Variants in FAM20C observed in about 807,000 individuals in gnomAD.
The protein encoded by FAM20C is extracellular serine/threonine protein kinase FAM20C.
In FAM20C, 40 loss-of-function variants were observed where a neutral mutation model predicts 51.5. The ratio of observed to expected loss-of-function variants is 0.78; its 90% CI spans 0.60 to 1.01. FAM20C has a LOEUF of 1.01. FAM20C is among the 50% of genes least tolerant of loss of function. The pLI, the probability that FAM20C is intolerant of heterozygous loss-of-function variation, is 0.00. For missense variants in FAM20C, 861 were observed against 844.7 expected (o/e 1.02, Z -0.24); for synonymous variants, 406 against 380.6 (o/e 1.07, Z -0.78).
intron 3 of FAM20C, among the ~76,000 whole-genome samples, chr7:232,978 G>C (rs1787744078): frequency 6.6e-6 from 1 of 152,234 alleles, no homozygotes; most frequent in Admixed American, 6.5e-5. Context: ...AGGAAACACG[G>C]ACGTTCGGAA....
At chr7:204,463 C>T (rs1242206543) in intron 2 of FAM20C, among the ~76,000 whole-genome samples, 1 of 152,256 alleles carries the variant, frequency 6.6e-6, no homozygotes, top group Non-Finnish European at 1.5e-5. Flanking sequence ...AACGTGGTTC[C>T]TGACAGGGTA....
intron 3 of FAM20C, among the ~76,000 whole-genome samples, chr7:217,431 T>TCCC (rs1308189226): frequency 8.3e-4 from 11 of 13,292 alleles, no homozygotes; most frequent in Admixed American, 1.4e-3. Context: ...GAGCTGCATT[T>TCCC]GGCTGTTTGT....
rs147037075 is a variant in FAM20C at position 209,541 on chromosome 7, T to C, written c.863+565T>C. Among the ~76,000 whole-genome samples, 21 of 146,576 alleles carry C rather than the reference T, an allele frequency of 1.4e-4. No homozygotes were observed. The East Asian group carries it at 3.4e-3, about 24-fold the overall frequency. ...AGTGGACAGTGTGCCCTGATCTGGA[T>C]AAAATAGAAACTGTGTCAGTCACCA... On this transcript the variant is annotated intron_variant, in intron 3 of 9. Transcript: ENST00000313766.
At chr7:253,120 C>CCA (rs1288003559) in intron 5 of FAM20C, among the ~76,000 whole-genome samples, 2 of 152,202 alleles carry the variant, frequency 1.3e-5, no homozygotes, top group African/African-American at 4.8e-5. Context: ...AGTGCTGCGT[C>CCA]CAGCTTAAAT....
At chr7:237,541 G>A (rs961028344) in intron 3 of FAM20C, among the ~76,000 whole-genome samples, 20 of 152,062 alleles carry the variant, frequency 1.3e-4, no homozygotes, top group Non-Finnish European at 2.8e-4. Flanking sequence ...AAATGATGAC[G>A]GTTACGTTGG....
chr7:192,606 G>A lies in FAM20C; in HGVS notation c.-594G>A, dbSNP rs1374637169. Among the ~76,000 whole-genome samples the A allele has an allele frequency of 6.6e-6, 1 of 150,476 alleles. No individual in the cohort carries two copies. The highest frequency in any genetic ancestry group is 1.5e-5 in the Non-Finnish European group (1 of 67,308). ...GCCAGGCGGGAGCTGCGCTCGGGGCGGCCGCTGCACCTGCCCGGGACCCCG... is the reference window on the plus strand; with the variant it reads ...GCCAGGCGGGAGCTGCGCTCGGGGCAGCCGCTGCACCTGCCCGGGACCCCG... On this transcript the variant is annotated 5_prime_UTR_variant, in exon 1 of 10. Coordinates refer to ENST00000313766, the MANE Select transcript of FAM20C (RefSeq NM_020223.4).
In FAM20C at chr7:195,616, A is replaced by C. The variant is rs1035789154; in HGVS notation, c.668A>C (p.Tyr223Ser). Reference protein sequence around the residue: ...LSPGEAAVDSYPNWLKFHIGI... With the variant: ...LSPGEAAVDSSPNWLKFHIGI... ...CCCGGGGAGGCGGCCGTGGACTCCT[A>C]TCCCAACTGGCTCAAGTTCCACATT... Residue 223 changes from tyrosine (Y) to serine (S), a missense_variant, in exon 2 of 10, where the codon TAT becomes TCT. Tyr to Ser is a moderately radical substitution (Grantham distance 144). This residue lies in a region of FAM20C where 561 missense variants were observed against 499.8 expected (regional missense o/e 1.12). Transcript: ENST00000313766. The C allele has an allele frequency of 2.5e-6, 4 of 1,609,614 alleles. No individual in the cohort carries two copies. The highest frequency in any genetic ancestry group is 2.5e-6 in the Non-Finnish European group (3 of 1,177,976).
At position 197,742 on chromosome 7, in the gene FAM20C, C is replaced by T. The variant is rs550268586; in HGVS notation, c.784+2010C>T. ...AACTGCAGCTCGCCACCTCCCTCAC[C>T]GACCGGTCAGCTTTCCAACACCAAC... On this transcript the variant is annotated intron_variant, in intron 2 of 9. Transcript: ENST00000313766. Among the ~76,000 whole-genome samples, 8 of 152,346 alleles carry T rather than the reference C, an allele frequency of 5.3e-5. No homozygotes were observed. In the East Asian group the frequency reaches 9.7e-4, roughly 18 times the overall value.
chr7:257,732 T>A (rs891293959), intron 8 of FAM20C, among the ~76,000 whole-genome samples: 22 of 139,810 alleles, frequency 1.6e-4, no homozygotes, highest in African/African-American at 5.8e-4. Flanking sequence ...ACAGGCGGGG[T>A]GGACCCACTG....
chr7:243,931 TAA>T, intron 3 of FAM20C, among the ~76,000 whole-genome samples: 1 of 125,086 alleles, frequency 8.0e-6, no homozygotes, highest in African/African-American at 2.7e-5. Flanking sequence ...ATAATAATAA[TAA>T]TAATAATAAT....
intron 3 of FAM20C, among the ~76,000 whole-genome samples, chr7:211,080 C>T (rs1029472996): frequency 6.6e-6 from 1 of 151,724 alleles, no homozygotes; most frequent in Admixed American, 6.6e-5. Context: ...TCCCCTTAAG[C>T]CCAGGGTGCG....
intron 9 of FAM20C, among the ~76,000 whole-genome samples, 169 bp from the exon 10 acceptor site, chr7:259,562 C>T (rs1445282835): frequency 3.2e-5 from 4 of 123,502 alleles, no homozygotes; most frequent in Non-Finnish European, 7.2e-5. Flanking sequence ...CTCTCTGTGT[C>T]TCTCTTTCTC....
At chr7:229,107 C>G (rs916798218) in intron 3 of FAM20C, 2 of 342,838 alleles carry the variant, frequency 5.8e-6, no homozygotes, top group East Asian at 1.5e-4. Flanking sequence ...AAATGTCCCA[C>G]CCAGGAGGGG....
rs1785679583 is a variant in FAM20C at position 193,434 on chromosome 7, G to A, written c.235G>A (p.Asp79Asn). The change falls in exon 1 of 10, where the codon GAC (aspartate) becomes AAC (asparagine). Residue 79 changes from aspartate to asparagine, a missense_variant. This residue lies in a region of FAM20C where 561 missense variants were observed against 499.8 expected (regional missense o/e 1.12). Coordinates refer to ENST00000313766, the MANE Select transcript of FAM20C (RefSeq NM_020223.4). ...CCCGGCCGCCTCCTCCGCCGCCGGC[G>A]ACGCGGGCTGGCCCAACAAGCACAC... is the stretch of plus-strand genomic sequence containing the variant. ...EPPAASSAAG[D>N]AGWPNKHTLR... The A allele has an allele frequency of 7.0e-7, 1 of 1,422,428 alleles. No individual in the cohort carries two copies. Among genetic ancestry groups the A allele is most frequent in the Non-Finnish European group, 9.3e-7 (1 of 1,077,146 alleles). The allele number at this position is 1,422,428 out of a possible 1,614,324, so 88.1% of individuals were successfully genotyped here.
chr7:252,511 G>A (rs1583339070), intron 5 of FAM20C, among the ~76,000 whole-genome samples: 2 of 150,454 alleles, frequency 1.3e-5, no homozygotes, highest in African/African-American at 2.4e-5. Context: ...AGGTGGTCTC[G>A]GAAGCCCTGC....
intron 2 of FAM20C, 54 bp from the exon 3 acceptor site, chr7:208,841 GAGA>G (rs1383069666): frequency 2.0e-6 from 3 of 1,527,268 alleles, no homozygotes; most frequent in Admixed American, 2.0e-5. Flanking sequence ...GTCCGCACAG[GAGA>G]AGAAGGGGCG....
chr7:199,204 C>T (rs1245463448), intron 2 of FAM20C, among the ~76,000 whole-genome samples: 1 of 152,252 alleles, frequency 6.6e-6, no homozygotes, highest in South Asian at 2.1e-4. Flanking sequence ...CTTCTGAGTA[C>T]GAACTTCCAG....
chr7:243,944 A>AATTATT (rs1554254464), intron 3 of FAM20C, among the ~76,000 whole-genome samples: 15,380 of 136,666 alleles, frequency 0.11, 952 homozygotes, highest in Admixed American at 0.16. Flanking sequence ...TAATAATAAT[A>AATTATT]ATTATTATTA....
chr7:222,814 T>G (rs1172100995), intron 3 of FAM20C, among the ~76,000 whole-genome samples: 2 of 152,030 alleles, frequency 1.3e-5, no homozygotes, highest in Non-Finnish European at 2.9e-5. Flanking sequence ...TATGCATGTG[T>G]ATGAGTGTGT....
Sources: allele counts gnomAD v4.1 joint callset (sites outside exome capture counted in the v4.1 genomes callset), GRCh38; gene constraint gnomAD v4.1.1; regional missense constraint gnomAD v4.1.1; transcripts MANE v1.5; gene names NCBI Gene and HGNC (gene_info 2026-07-23, HGNC 2026-07-21).